The following NMNAT3 variants were observed in gnomAD, a reference collection of about 807,000 sequenced individuals.
NMNAT3 encodes the protein nicotinamide/nicotinic acid mononucleotide adenylyltransferase 3.
A neutral mutation model predicts 24.8 loss-of-function variants in NMNAT3; 21 were observed. The ratio of observed to expected loss-of-function variants is 0.85; its 90% CI spans 0.60 to 1.22. NMNAT3 has a LOEUF of 1.22. NMNAT3 is among the 50% of genes most tolerant of loss of function. The pLI is 0.00. For synonymous variants in NMNAT3, 136 were observed against 155.2 expected (o/e 0.88, Z 0.92); for missense variants, 387 against 436.6 (o/e 0.89, Z 1.01).
chr3:139,578,431 A>C (rs1559867607), intron 5 of NMNAT3, among the ~76,000 whole-genome samples: 1 of 152,226 alleles, frequency 6.6e-6, no homozygotes, highest in Non-Finnish European at 1.5e-5. Context: ...AAAAATAACA[A>C]AAGGTCCCAC....
chr3:139,662,345 A>C (rs545372750), intron 1 of NMNAT3, among the ~76,000 whole-genome samples: 28 of 152,144 alleles, frequency 1.8e-4, no homozygotes, highest in African/African-American at 6.7e-4. Context: ...GACCTCTTGG[A>C]GCTTCTATCT....
At chr3:139,597,327 G>A (rs1237106092) in intron 3 of NMNAT3, among the ~76,000 whole-genome samples, 2 of 152,024 alleles carry the variant, frequency 1.3e-5, no homozygotes, top group East Asian at 1.9e-4. Flanking sequence ...CCAAGTAGGT[G>A]CTGGATTTTA....
intron 6 of NMNAT3, chr3:139,567,195 T>C (rs1228290714): frequency 2.0e-5 from 3 of 152,350 alleles, no homozygotes; most frequent in South Asian, 2.1e-4. Flanking sequence ...CTTGTGATTT[T>C]TGTACATTGA....
intron 4 of NMNAT3, among the ~76,000 whole-genome samples, chr3:139,579,540 T>C (rs1286738765): frequency 6.6e-6 from 1 of 152,182 alleles, no homozygotes; most frequent in Non-Finnish European, 1.5e-5. Flanking sequence ...TTGGTGGGTA[T>C]TGGCTGTAGA....
intron 1 of NMNAT3, among the ~76,000 whole-genome samples, chr3:139,652,062 GC>G (rs1331277426): frequency 6.6e-6 from 1 of 152,118 alleles, no homozygotes; most frequent in African/African-American, 2.4e-5. Context: ...TTGTCTAGAG[GC>G]CCCCAAAGCC....
Position 139,627,719 on chromosome 3 carries a change from C to G in NMNAT3, c.6G>C (p.Lys2Asn). Residue 2 changes from lysine (K) to asparagine (N), a missense_variant, in exon 3 of 7, where the codon AAG becomes AAC. Around this residue, in one of 3 missense-constraint regions of NMNAT3, gnomAD observed 51 missense variants for 55.6 expected, o/e 0.92. Coordinates refer to ENST00000643695, the MANE Select transcript of NMNAT3 (RefSeq NM_001320510.2). ...CCAGGAGCACCACAGGTATTCGGCT[C>G]TTCATCTTGTCAGGCACATCCACAC... 1 of 1,588,874 alleles carries G rather than the reference C, an allele frequency of 6.3e-7. No individual in the cohort carries two copies. The highest frequency in any genetic ancestry group is 8.5e-7 in the Non-Finnish European group (1 of 1,174,976).
chr3:139,665,404 G>A (rs1448126559), intron 1 of NMNAT3, among the ~76,000 whole-genome samples: 1 of 152,188 alleles, frequency 6.6e-6, no homozygotes, highest in Non-Finnish European at 1.5e-5. Flanking sequence ...TGTGGACACA[G>A]AGGGCCCTGT....
chr3:139,628,034 G>C (rs767925415), intron 2 of NMNAT3, among the ~76,000 whole-genome samples: 1 of 152,124 alleles, frequency 6.6e-6, no homozygotes, highest in Non-Finnish European at 1.5e-5. Flanking sequence ...GGCCAGGACT[G>C]GAACCAAGGC....
At chr3:139,647,417 C>G (rs1387327499) in intron 1 of NMNAT3, among the ~76,000 whole-genome samples, 1 of 152,110 alleles carries the variant, frequency 6.6e-6, no homozygotes, top group Admixed American at 6.5e-5. Flanking sequence ...GTCAACAACT[C>G]CATCAAACTA....
intron 6 of NMNAT3, 46 bp from the exon 7 acceptor site, chr3:139,561,438 G>A: frequency 6.4e-7 from 1 of 1,564,820 alleles, no homozygotes; most frequent in South Asian, 1.2e-5. Context: ...AGAGGTCACT[G>A]CCAGGAAAGA....
intron 5 of NMNAT3, among the ~76,000 whole-genome samples, chr3:139,574,762 G>A (rs1338867668): frequency 6.6e-6 from 1 of 151,948 alleles, no homozygotes. Flanking sequence ...GAAAGTTAAT[G>A]CTGGGCTTAT....
chr3:139,621,170 G>T (rs1424647382), intron 3 of NMNAT3, among the ~76,000 whole-genome samples: 1 of 152,068 alleles, frequency 6.6e-6, no homozygotes, highest in African/African-American at 2.4e-5. Flanking sequence ...AATTCCAATT[G>T]CTTCAGGTCC....
chr3:139,561,001 C>T lies in NMNAT3; in HGVS notation c.*9G>A, dbSNP rs370526937. 9 of 1,603,314 alleles carry T rather than the reference C, an allele frequency of 5.6e-6. No individual in the cohort carries two copies. The highest frequency in any genetic ancestry group is 3.3e-5 in the Admixed American group (2 of 59,756). On this transcript the variant is annotated 3_prime_UTR_variant, in exon 7 of 7. Coordinates refer to ENST00000643695, the MANE Select transcript of NMNAT3 (RefSeq NM_001320510.2). ...GTTGGAGGAGGTGTGGGTGCTGAGTCCCCCCTCCCTAGCTTGTCTTGCCCT... is the reference window on the plus strand; with the variant it reads ...GTTGGAGGAGGTGTGGGTGCTGAGTTCCCCCTCCCTAGCTTGTCTTGCCCT...
chr3:139,670,473 C>T (rs908304131), intron 1 of NMNAT3, among the ~76,000 whole-genome samples: 24 of 152,206 alleles, frequency 1.6e-4, no homozygotes, highest in African/African-American at 5.8e-4. Flanking sequence ...CGGCTAATTT[C>T]CCTACCTTTT....
chr3:139,579,803 T>C (rs1939897625), intron 4 of NMNAT3, among the ~76,000 whole-genome samples: 1 of 152,242 alleles, frequency 6.6e-6, no homozygotes, highest in African/African-American at 2.4e-5. Flanking sequence ...TTCCCTGTTA[T>C]TCCTAGTTTA....
At chr3:139,660,832 T>A (rs1188184186) in intron 1 of NMNAT3, among the ~76,000 whole-genome samples, 2 of 151,938 alleles carry the variant, frequency 1.3e-5, no homozygotes, top group Non-Finnish European at 2.9e-5. Context: ...TAAGGGGAGA[T>A]AAAAAAAATC....
At chr3:139,594,546 T>C (rs1401545780) in intron 3 of NMNAT3, among the ~76,000 whole-genome samples, 6 of 152,192 alleles carry the variant, frequency 3.9e-5, no homozygotes, top group South Asian at 4.1e-4. Flanking sequence ...TGATGAACAT[T>C]GATGCAAAAA....
chr3:139,595,306 G>C (rs1232354466), intron 3 of NMNAT3, among the ~76,000 whole-genome samples: 1 of 152,072 alleles, frequency 6.6e-6, no homozygotes, highest in African/African-American at 2.4e-5. Flanking sequence ...TCAAGGAAAT[G>C]AAAGAGGATA....
chr3:139,605,204 C>A (rs1249523200), intron 3 of NMNAT3, among the ~76,000 whole-genome samples: 2 of 152,216 alleles, frequency 1.3e-5, no homozygotes, highest in East Asian at 1.9e-4. Context: ...CAGGTGATCA[C>A]CAGTCCTTCC....
Sources: gnomAD v4.1 joint callset for allele counts (sites outside exome capture counted in the v4.1 genomes callset) on GRCh38, gnomAD v4.1.1 for gene constraint, gnomAD v4.1.1 regional missense constraint, MANE v1.5 for transcripts, NCBI Gene and HGNC (gene_info 2026-07-23, HGNC 2026-07-21) for gene names.